The following PCSK6 variants were observed in gnomAD, a reference collection of about 807,000 sequenced individuals.
The protein encoded by PCSK6 is proprotein convertase subtilisin/kexin type 6, also known as paired basic amino acid cleaving enzyme 4.
Under a neutral mutation model 123.3 loss-of-function variants are expected in PCSK6, and 85 were observed. The observed-to-expected ratio is 0.69, with a 90% CI of 0.58 to 0.83. PCSK6 has a LOEUF of 0.83. Ranked by LOEUF, PCSK6 falls within the 40% of genes least tolerant of loss-of-function variation. The pLI, the probability that PCSK6 is intolerant of heterozygous loss-of-function variation, is 0.00. For synonymous variants in PCSK6, 508 were observed against 516.0 expected, an observed-to-expected ratio of 0.98 and a Z score of 0.21; for missense variants, 1,191 against 1,282.3, an observed-to-expected ratio of 0.93 and a Z score of 1.09.
Position 101,448,557 on chromosome 15 carries a change from C to T in PCSK6, c.298-4897G>A, listed in dbSNP as rs982271766. Among the ~76,000 whole-genome samples the T allele has an allele frequency of 3.3e-5, 5 of 152,324 alleles. 1 individual carries two copies. The South Asian group carries it at 8.3e-4, about 25-fold the overall frequency. On this transcript the variant is annotated intron_variant, in intron 1 of 21. Coordinates refer to ENST00000611716, the MANE Select transcript of PCSK6 (RefSeq NM_002570.5). Reference sequence around the variant, plus strand: ...ACAGCTGACGCTTGCTGGGCACATGCCCCATTCCAGGCAGCAAGCTTGGAG... The same window carrying T: ...ACAGCTGACGCTTGCTGGGCACATGTCCCATTCCAGGCAGCAAGCTTGGAG...
intron 2 of PCSK6, 28 bp from the exon 3 acceptor site, chr15:101,432,128 A>T (rs2056466389): frequency 6.4e-7 from 1 of 1,559,996 alleles, no homozygotes; most frequent in Non-Finnish European, 8.8e-7. Flanking sequence ...ATTACTGTTT[A>T]TATTAGAAAT....
At chr15:101,456,180 G>A (rs1034365271) in intron 1 of PCSK6, among the ~76,000 whole-genome samples, 1 of 152,204 alleles carries the variant, frequency 6.6e-6, no homozygotes. Flanking sequence ...CTTGGAAGGA[G>A]GGTAAGAGAA....
Position 101,333,010 on chromosome 15 carries a change from T to C in PCSK6, c.1859-979A>G, listed in dbSNP as rs2040402421. On this transcript the variant is annotated intron_variant, in intron 13 of 21. Transcript: ENST00000611716. ...TCCTAGACTTAATGATGGGGCTATG[T>C]TGGGATGAATCCACCATAAGTTGAA... 2.0e-5 allele frequency among the ~76,000 whole-genome samples: 3 copies of C among 152,384 alleles called. No individual in the cohort carries two copies. The South Asian group carries it at 6.2e-4, about 32-fold the overall frequency.
Position 101,329,548 on chromosome 15 carries a change from C to G in PCSK6, c.2077+2103G>C, listed in dbSNP as rs138357507. Among the ~76,000 whole-genome samples the G allele has an allele frequency of 1.1e-4, 17 of 152,354 alleles. No homozygotes were observed. In the East Asian group the frequency reaches 2.7e-3, roughly 24 times the overall value. ...GAGGCTTCTGGGCCTCTGCTTGAGC[C>G]TGTCGAGTAAGCACGGATGTGCTGA... On this transcript the variant is annotated intron_variant, in intron 15 of 21. Coordinates refer to ENST00000611716, the MANE Select transcript of PCSK6 (RefSeq NM_002570.5).
At chr15:101,426,430 C>T (rs1428739705) in intron 6 of PCSK6, among the ~76,000 whole-genome samples, 2 of 152,220 alleles carry the variant, frequency 1.3e-5, no homozygotes, top group Admixed American at 6.5e-5. Context: ...CAGGGCTCTG[C>T]ACCCATCATC....
At position 101,427,874 on chromosome 15, in the gene PCSK6, T is replaced by C. The variant is rs2056310988; in HGVS notation, c.823+18A>G. 1 of 1,543,534 alleles carries C rather than the reference T, an allele frequency of 6.5e-7. No individual in the cohort carries two copies. The highest frequency in any genetic ancestry group is 8.8e-7 in the Non-Finnish European group (1 of 1,139,364). On this transcript the variant is annotated intron_variant, in intron 6 of 21. Coordinates refer to ENST00000611716, the MANE Select transcript of PCSK6 (RefSeq NM_002570.5). The stretch of plus-strand genomic sequence containing the variant: ...GCCCCAGGCCCCTCGGCTCGCAGGC[T>C]GCCACGCCCGGCCTTACCTCCTATT...
intron 1 of PCSK6, among the ~76,000 whole-genome samples, chr15:101,444,666 C>T (rs2056840701): frequency 6.6e-6 from 1 of 152,158 alleles, no homozygotes; most frequent in Non-Finnish European, 1.5e-5. Context: ...TGGACAAGGA[C>T]ATTTGACTCA....
chr15:101,315,834 C>T (rs1422334863), intron 19 of PCSK6, among the ~76,000 whole-genome samples: 3 of 152,192 alleles, frequency 2.0e-5, no homozygotes, highest in Non-Finnish European at 2.9e-5. Context: ...TGCCAGCAGC[C>T]CCGAAGGATT....
Position 101,305,143 on chromosome 15 carries a change from TA to T in PCSK6, c.*114del. 1 of 846,034 alleles carries T rather than the reference TA, an allele frequency of 1.2e-6. No individual in the cohort carries two copies. Among genetic ancestry groups the T allele is most frequent in the African/African-American group, 1.7e-5 (1 of 59,920 alleles). The allele number at this position is 846,034 out of a possible 1,614,324, so 52.4% of individuals were successfully genotyped here. A position where few individuals can be genotyped will look rare whatever the true frequency, so the allele number is the denominator to read the frequency against. On this transcript the variant is annotated 3_prime_UTR_variant, in exon 22 of 22. Transcript: ENST00000611716. This position sits in a 1 kb window ranked among gnomAD's most constrained non-coding sequence, Gnocchi z 4.8. ...CTCAGAGATGCTGCTCCTGGGGAGA[TA>T]AAGCTGTCAGGTGCAGGGCGCCGCT...
intron 13 of PCSK6, among the ~76,000 whole-genome samples, chr15:101,363,170 G>A (rs28399699): frequency 0.025 from 3,790 of 152,314 alleles, 179 homozygotes; most frequent in African/African-American, 0.087. Flanking sequence ...AGAAGAATGC[G>A]TGAGATGCAT....
intron 1 of PCSK6, among the ~76,000 whole-genome samples, chr15:101,445,972 C>T (rs961240103): frequency 2.6e-5 from 4 of 152,332 alleles, no homozygotes; most frequent in South Asian, 2.1e-4. Context: ...GCCCCGGGGC[C>T]GCCATGACTG....
At chr15:101,413,918 G>A (rs1419026931) in intron 6 of PCSK6, among the ~76,000 whole-genome samples, 1 of 151,764 alleles carries the variant, frequency 6.6e-6, no homozygotes, top group Non-Finnish European at 1.5e-5. Context: ...TTAAAAAATG[G>A]CCCAAATATA....
chr15:101,449,885 G>T (rs138812157), intron 1 of PCSK6, among the ~76,000 whole-genome samples: 2 of 152,128 alleles, frequency 1.3e-5, no homozygotes, highest in African/African-American at 2.4e-5. Context: ...CGCCTAAGGG[G>T]GTCCCAAGCA....
chr15:101,471,767 G>A (rs1407286621), intron 1 of PCSK6, among the ~76,000 whole-genome samples: 1 of 152,158 alleles, frequency 6.6e-6, no homozygotes, highest in Non-Finnish European at 1.5e-5. Context: ...ACTCCAGAAA[G>A]TCTCGCATGT....
intron 13 of PCSK6, among the ~76,000 whole-genome samples, chr15:101,365,205 G>A (rs867668408): frequency 3.9e-5 from 6 of 152,164 alleles, no homozygotes; most frequent in Admixed American, 6.5e-5. Context: ...AAACACAGGA[G>A]TAAATCTCTG....
At chr15:101,448,047 C>T (rs893026900) in intron 1 of PCSK6, among the ~76,000 whole-genome samples, 2 of 152,246 alleles carry the variant, frequency 1.3e-5, no homozygotes, top group Non-Finnish European at 2.9e-5. Context: ...TGCTAGTCCA[C>T]AAGGCATTGT....
rs1482627114 is a variant in PCSK6, at chr15:101,383,431, A to C, written c.1414+891T>G. On this transcript the variant is annotated intron_variant, in intron 10 of 21. Coordinates refer to ENST00000611716, the MANE Select transcript of PCSK6 (RefSeq NM_002570.5). ...TCTCAAAAAAAAAAAAAAAAAAAAA[A>C]AGAAGTCAGGCAAACAAAGCCAGTA... 2.0e-5 allele frequency among the ~76,000 whole-genome samples: 3 copies of C among 150,544 alleles called. No homozygotes were observed. In the Admixed American group the frequency reaches 2.0e-4, roughly 10 times the overall value.
rs772007096 is a variant in PCSK6, at chr15:101,412,691, T to TTTATATATA, written c.824-14116_824-14115insTATATATAA. Among the ~76,000 whole-genome samples, 126 of 124,744 alleles carry TTTATATATA rather than the reference T, an allele frequency of 1.0e-3. 2 individuals carry two copies. Among genetic ancestry groups the TTTATATATA allele is most frequent in the African/African-American group, 4.0e-3 (116 of 28,950 alleles). The allele number at this position is 124,744 out of a possible 152,430, so 81.8% of individuals were successfully genotyped here. A position where few individuals can be genotyped will look rare whatever the true frequency, so the allele number is the denominator to read the frequency against. ...ACAGAAGAAAGAGTGAACTGGAAAA[T>TTTATATATA]TATATATATATATATATATATAAAA... is the stretch of plus-strand genomic sequence containing the variant. On this transcript the variant is annotated intron_variant, in intron 6 of 21. Transcript: ENST00000611716.
intron 12 of PCSK6, 37 bp from the exon 13 acceptor site, chr15:101,366,369 T>C (rs370743351): frequency 1.3e-5 from 20 of 1,591,004 alleles, no homozygotes; most frequent in Non-Finnish European, 1.7e-5. Flanking sequence ...ATGAAGGTGC[T>C]GGTACTGAGT....
Sources: gnomAD v4.1 joint callset for allele counts (sites outside exome capture counted in the v4.1 genomes callset) on GRCh38, gnomAD v4.1.1 for gene constraint, Gnocchi (gnomAD v3.1) non-coding constraint, MANE v1.5 for transcripts, NCBI Gene and HGNC (gene_info 2026-07-23, HGNC 2026-07-21) for gene names.